PPP2R3A: variants seen among roughly 807,000 people sequenced by gnomAD.
PPP2R3A encodes protein phosphatase 2 regulatory subunit B''alpha.
In PPP2R3A, 80 loss-of-function variants were observed where a neutral mutation model predicts 106.9. The observed-to-expected ratio is 0.75, with a 90% CI of 0.62 to 0.90. The LOEUF (loss-of-function observed/expected upper bound fraction) is 0.90. Among genes scored for constraint, PPP2R3A ranks in the 40% least tolerant of loss-of-function variants. The pLI, the probability that PPP2R3A is intolerant of heterozygous loss-of-function variation, is 0.00. For missense variants in PPP2R3A, 1,386 were observed against 1,350.4 expected (o/e 1.03, Z -0.41); for synonymous variants, 483 against 468.3 (o/e 1.03, Z -0.41).
chr3:136,116,317 C>T (rs1576322847), intron 13 of PPP2R3A, among the ~76,000 whole-genome samples: 1 of 152,122 alleles, frequency 6.6e-6, no homozygotes, highest in Non-Finnish European at 1.5e-5. Context: ...ATCGACACTA[C>T]AAAGAAACTG....
intron 2 of PPP2R3A, among the ~76,000 whole-genome samples, chr3:136,017,718 G>C (rs1348149659): frequency 6.6e-6 from 1 of 152,094 alleles, no homozygotes; most frequent in Admixed American, 6.5e-5. Context: ...CTCTGTCTTT[G>C]GTGTCACTTC....
At chr3:136,138,821 C>T (rs1487045305) in intron 13 of PPP2R3A, among the ~76,000 whole-genome samples, 2 of 143,262 alleles carry the variant, frequency 1.4e-5, no homozygotes, top group Non-Finnish European at 3.0e-5. Context: ...AAGCGATTCT[C>T]CTGCCTCAGC....
intron 13 of PPP2R3A, among the ~76,000 whole-genome samples, chr3:136,109,665 T>A (rs918216432): frequency 2.0e-5 from 3 of 152,134 alleles, no homozygotes; most frequent in Non-Finnish European, 4.4e-5. Flanking sequence ...CTAGCATTAA[T>A]ATAGTAATAT....
intron 2 of PPP2R3A, among the ~76,000 whole-genome samples, chr3:136,009,736 G>A (rs2107799350): frequency 6.6e-6 from 1 of 152,236 alleles, no homozygotes; most frequent in Middle Eastern, 3.4e-3. Context: ...TGATTCTGAT[G>A]CATGATTATG....
chr3:136,017,926 C>A (rs1189898195), intron 2 of PPP2R3A, among the ~76,000 whole-genome samples: 1 of 152,184 alleles, frequency 6.6e-6, no homozygotes, highest in Non-Finnish European at 1.5e-5. Context: ...GTCTCCATAA[C>A]CACATTCAGC....
At position 136,002,599 on chromosome 3, in the gene PPP2R3A, A is replaced by G; in HGVS notation, c.1101A>G (p.Gln367=). 1.2e-6 allele frequency: 2 copies of G among 1,613,986 alleles called. No homozygotes were observed. Among genetic ancestry groups the G allele is most frequent in the Non-Finnish European group, 8.5e-7 (1 of 1,179,892 alleles). The change falls in exon 2 of 14, where the codon CAA becomes CAG. Residue 367 remains glutamine, a synonymous_variant. Coordinates refer to ENST00000264977, the MANE Select transcript of PPP2R3A (RefSeq NM_002718.5). ...ATTCTAGGAAGATGGACACTGTACA[A>G]TCCATTCCAAACAACTCCACAAATT... is the stretch of plus-strand genomic sequence containing the variant. The part of the protein sequence containing the change: ...KPNSRKMDTV[Q]SIPNNSTNSL...
At chr3:135,975,085 A>G (rs1243734913) in intron 1 of PPP2R3A, among the ~76,000 whole-genome samples, 1 of 152,202 alleles carries the variant, frequency 6.6e-6, no homozygotes, top group African/African-American at 2.4e-5. Context: ...TTCTCTCAAC[A>G]TGATACATCT....
intron 13 of PPP2R3A, among the ~76,000 whole-genome samples, chr3:136,135,687 A>G (rs1361849649): frequency 6.6e-6 from 1 of 152,122 alleles, no homozygotes; most frequent in African/African-American, 2.4e-5. Flanking sequence ...CTAAGATATT[A>G]TATGTAAACA....
intron 13 of PPP2R3A, among the ~76,000 whole-genome samples, chr3:136,135,552 C>T (rs1340027734): frequency 2.0e-5 from 3 of 152,136 alleles, no homozygotes; most frequent in Non-Finnish European, 4.4e-5. Context: ...GTTAGTACCA[C>T]AGAAAGACCA....
chr3:136,107,661 A>T (rs746156179), intron 13 of PPP2R3A, among the ~76,000 whole-genome samples: 16 of 152,134 alleles, frequency 1.1e-4, no homozygotes, highest in Middle Eastern at 3.2e-3. Flanking sequence ...TGAACAAGCC[A>T]TCAGCAAAGA....
chr3:135,969,985 A>T (rs538201157), intron 1 of PPP2R3A, among the ~76,000 whole-genome samples: 1 of 152,298 alleles, frequency 6.6e-6, no homozygotes, highest in South Asian at 2.1e-4. Context: ...TGAGCATGTG[A>T]TCCCTGGTCT....
chr3:136,145,119 A>G lies in PPP2R3A; in HGVS notation c.3406A>G (p.Ser1136Gly), dbSNP rs758829150. The change falls in exon 14 of 14, where the codon AGC (serine) becomes GGC (glycine). Residue 1136 changes from serine (S) to glycine (G), a missense_variant. Transcript: ENST00000264977. Reference sequence around the variant, plus strand: ...CAAAAGCAATAAAATATTAAGTGCAAGCCTTCCAGAGAAATGTGGAAAGCT... The same window carrying G: ...CAAAAGCAATAAAATATTAAGTGCAGGCCTTCCAGAGAAATGTGGAAAGCT... ...GNKSNKILSA[S>G]LPEKCGKLQS... 1 of 1,613,830 alleles carries G rather than the reference A, an allele frequency of 6.2e-7. No homozygotes were observed. Among genetic ancestry groups the G allele is most frequent in the East Asian group, 2.2e-5 (1 of 44,858 alleles).
intron 13 of PPP2R3A, among the ~76,000 whole-genome samples, chr3:136,116,639 C>T (rs1049054552): frequency 3.9e-5 from 6 of 152,130 alleles, no homozygotes; most frequent in Non-Finnish European, 7.4e-5. Flanking sequence ...TCAAAAGAGA[C>T]AAAGAAGGTC....
At chr3:136,136,488 G>A (rs1938629281) in intron 13 of PPP2R3A, among the ~76,000 whole-genome samples, 2 of 152,066 alleles carry the variant, frequency 1.3e-5, no homozygotes, top group Non-Finnish European at 2.9e-5. Context: ...ATTGTACTGA[G>A]AATTAAGAGA....
At chr3:136,053,048 A>G (rs1046718093) in intron 5 of PPP2R3A, among the ~76,000 whole-genome samples, 2 of 152,196 alleles carry the variant, frequency 1.3e-5, no homozygotes, top group Non-Finnish European at 2.9e-5. Flanking sequence ...CAAATACCAC[A>G]TGTTCTCACT....
intron 13 of PPP2R3A, among the ~76,000 whole-genome samples, chr3:136,127,437 AT>A (rs1049711911): frequency 6.6e-6 from 1 of 152,208 alleles, no homozygotes; most frequent in African/African-American, 2.4e-5. Context: ...AACTAATGAA[AT>A]GAAGTGAGAA....
rs1217017836 is a variant in PPP2R3A at position 136,002,087 on chromosome 3, C to G, written c.589C>G (p.Leu197Val). ...LSHRNSLDTN[L>V]TSMFLQNFSE... Reference sequence around the variant, plus strand: ...TCATAGAAACTCACTGGATACGAACCTGACTTCCATGTTTCTTCAAAACTT... The same window carrying G: ...TCATAGAAACTCACTGGATACGAACGTGACTTCCATGTTTCTTCAAAACTT... Residue 197 changes from leucine to valine, a missense_variant, in exon 2 of 14, where the codon CTG becomes GTG. Transcript: ENST00000264977. 1.2e-6 allele frequency: 2 copies of G among 1,613,992 alleles called. No homozygotes were observed. Among genetic ancestry groups the G allele is most frequent in the African/African-American group, 2.7e-5 (2 of 74,920 alleles).
intron 3 of PPP2R3A, among the ~76,000 whole-genome samples, chr3:136,028,845 GTTGTT>G (rs546287596): frequency 0.01 from 1,553 of 152,048 alleles, 25 homozygotes; most frequent in African/African-American, 0.036. Context: ...TTTTGTTGTT[GTTGTT>G]TTGTTTTGTT....
At chr3:135,969,910 G>C (rs1187411991) in intron 1 of PPP2R3A, among the ~76,000 whole-genome samples, 2 of 152,126 alleles carry the variant, frequency 1.3e-5, no homozygotes, top group African/African-American at 4.8e-5. Flanking sequence ...TCACTACAGA[G>C]CCCACCACTC....
Sources: gnomAD v4.1 joint callset for allele counts (sites outside exome capture counted in the v4.1 genomes callset) on GRCh38, gnomAD v4.1.1 for gene constraint, MANE v1.5 for transcripts, NCBI Gene and HGNC (gene_info 2026-07-23, HGNC 2026-07-21) for gene names.